Variants in FREM1 observed in about 807,000 individuals in gnomAD.
FREM1 encodes the protein FRAS1-related extracellular matrix protein 1.
FREM1 carries 220 observed loss-of-function variants against 210.1 expected under a neutral mutation model. The observed-to-expected ratio is 1.05, with a 90% CI of 0.94 to 1.17. The LOEUF (loss-of-function observed/expected upper bound fraction) is 1.17. Ranked by LOEUF, FREM1 falls within the 50% of genes most tolerant of loss-of-function variation. FREM1 has a pLI of 0.00. For missense variants in FREM1, 3,454 were observed against 2,675.5 expected, an observed-to-expected ratio of 1.29 and a Z score of -6.42; for synonymous variants, 1,189 against 980.2, an observed-to-expected ratio of 1.21 and a Z score of -3.98.
At position 14,910,026 on chromosome 9, in the gene FREM1, A is replaced by G; in HGVS notation, c.-380T>C. 1 of 152,306 alleles carries G rather than the reference A, an allele frequency of 6.6e-6. No individual in the cohort carries two copies. The highest frequency in any genetic ancestry group is 1.5e-5 in the Non-Finnish European group (1 of 68,034). The allele number at this position is 152,306 out of a possible 1,614,324, so 9.4% of individuals were successfully genotyped here. A position where few individuals can be genotyped will look rare whatever the true frequency, so the allele number is the denominator to read the frequency against. ...TTAAAGGGCTTTGAGAGGAAGGGGG[A>G]GGAAAAAGAACCCCGGGAAGGAAGA... is the stretch of plus-strand genomic sequence containing the variant. On this transcript the variant is annotated 5_prime_UTR_variant, in exon 1 of 37. Transcript: ENST00000380880.
intron 24 of FREM1, 78 bp downstream of exon 24, chr9:14,784,292 G>A (rs1342851273): frequency 7.5e-7 from 1 of 1,338,734 alleles, no homozygotes; most frequent in Non-Finnish European, 1.0e-6. Context: ...GGTTACTATA[G>A]TGAAGCACAT....
At chr9:14,748,042 G>A (rs1016728488) in intron 31 of FREM1, among the ~76,000 whole-genome samples, 1 of 152,080 alleles carries the variant, frequency 6.6e-6, no homozygotes. Flanking sequence ...AGTATGCAAT[G>A]GTTAGAATGC....
At chr9:14,875,676 G>A (rs536284178) in intron 1 of FREM1, among the ~76,000 whole-genome samples, 19 of 152,232 alleles carry the variant, frequency 1.2e-4, no homozygotes, top group Admixed American at 5.2e-4. Context: ...CTCTCAACTC[G>A]TCAAAGTCAT....
intron 6 of FREM1, among the ~76,000 whole-genome samples, chr9:14,849,949 G>T (rs1237174007): frequency 6.6e-6 from 1 of 152,148 alleles, no homozygotes; most frequent in African/African-American, 2.4e-5. Context: ...GATGAAAAGG[G>T]GGAAATAAAA....
At position 14,804,973 on chromosome 9, in the gene FREM1, C is replaced by T. The variant is rs746469370; in HGVS notation, c.3454G>A (p.Val1152Ile). The T allele has an allele frequency of 1.1e-4, 174 of 1,612,244 alleles. No homozygotes were observed. The highest frequency in any genetic ancestry group is 1.6e-4 in the Middle Eastern group (1 of 6,082). The change falls in exon 19 of 37, where the codon GTA becomes ATA. Residue 1152 changes from valine to isoleucine, a missense_variant. Transcript: ENST00000380880. ...NPTNDEAPDFVVQNITVCEGQ... is the reference protein window; with the variant it reads ...NPTNDEAPDFIVQNITVCEGQ... ...TTTCTTACAGTAATATTCTGCACTA[C>T]AAAGTCAGGAGCTTCATCATTTGTG...
In FREM1 at chr9:14,737,226, T is replaced by C. The variant is rs961784668; in HGVS notation, c.*170A>G. Reference sequence around the variant, plus strand: ...TGTATCTTATCTTGTAAAAAATATTTATTTATCAATCTTTCTGGCACTATT... The same window carrying C: ...TGTATCTTATCTTGTAAAAAATATTCATTTATCAATCTTTCTGGCACTATT... On this transcript the variant is annotated 3_prime_UTR_variant, in exon 37 of 37. Transcript: ENST00000380880. 9 of 531,334 alleles carry C rather than the reference T, an allele frequency of 1.7e-5. No homozygotes were observed. Among genetic ancestry groups the C allele is most frequent in the African/African-American group, 1.5e-4 (8 of 52,134 alleles). The allele number at this position is 531,334 out of a possible 1,614,324, so 32.9% of individuals were successfully genotyped here.
At chr9:14,770,524 C>G in intron 26 of FREM1, 81 bp downstream of exon 26, 2 of 1,031,884 alleles carry the variant, frequency 1.9e-6, no homozygotes, top group Non-Finnish European at 3.0e-6. Context: ...AATGGGCCTG[C>G]ACTTAATTAA....
chr9:14,848,876 G>A (rs192060243), intron 6 of FREM1, 103 bp from the exon 7 acceptor site: 14 of 574,940 alleles, frequency 2.4e-5, no homozygotes, highest in East Asian at 1.2e-4. Context: ...AGTTTTCTGC[G>A]GGGATTCACA....
At position 14,805,072 on chromosome 9, in the gene FREM1, C is replaced by T. The variant is rs753814072; in HGVS notation, c.3355G>A (p.Asp1119Asn). The T allele has an allele frequency of 8.1e-6, 13 of 1,612,862 alleles. No individual in the cohort carries two copies. The highest frequency in any genetic ancestry group is 4.4e-5 in the South Asian group (4 of 90,980). ...TCTGTGACGTACACCGTGAACTGGTCGGCAGTTGGTTCTATCCTCAGATGC... is the reference window on the plus strand; with the variant it reads ...TCTGTGACGTACACCGTGAACTGGTTGGCAGTTGGTTCTATCCTCAGATGC... The part of the protein sequence containing the change: ...SRHLRIEPTA[D>N]QFTVYVTDGK... Residue 1119 changes from aspartate to asparagine, a missense_variant, in exon 19 of 37, where the codon GAC (aspartate) becomes AAC (asparagine). Transcript: ENST00000380880.
chr9:14,809,047 A>G (rs1398628781), intron 16 of FREM1, among the ~76,000 whole-genome samples: 2 of 152,188 alleles, frequency 1.3e-5, no homozygotes, highest in African/African-American at 4.8e-5. Flanking sequence ...ACATTTCGTG[A>G]GAGGAACCCA....
At chr9:14,774,063 A>C in intron 25 of FREM1, 3 of 516,890 alleles carry the variant, frequency 5.8e-6, no homozygotes, top group South Asian at 4.2e-5. Flanking sequence ...AGTGCTTCTT[A>C]CTGTGTTCAC....
intron 22 of FREM1, among the ~76,000 whole-genome samples, chr9:14,790,363 C>CA (rs1163230003): frequency 6.6e-6 from 1 of 152,150 alleles, no homozygotes; most frequent in Non-Finnish European, 1.5e-5. Flanking sequence ...GTTCTGCCCT[C>CA]ACGCTCACTG....
chr9:14,860,604 C>CATAT (rs1438337232), intron 3 of FREM1, among the ~76,000 whole-genome samples: 7 of 86,180 alleles, frequency 8.1e-5, no homozygotes, highest in Admixed American at 1.2e-4. Context: ...CATATATACA[C>CATAT]ATATATACAC....
At chr9:14,835,809 A>G (rs1024974484) in intron 10 of FREM1, among the ~76,000 whole-genome samples, 3 of 152,254 alleles carry the variant, frequency 2.0e-5, no homozygotes, top group African/African-American at 4.8e-5. Context: ...TTTACTGATA[A>G]TTACTTTTTA....
intron 13 of FREM1, among the ~76,000 whole-genome samples, chr9:14,821,286 T>C (rs1402501963): frequency 6.6e-6 from 1 of 151,794 alleles, no homozygotes; most frequent in Non-Finnish European, 1.5e-5. Context: ...CTGTAAAAAG[T>C]AAAAATAAAA....
chr9:14,851,162 A>G, intron 6 of FREM1, 122 bp downstream of exon 6: 2 of 740,394 alleles, frequency 2.7e-6, no homozygotes, highest in Non-Finnish European at 4.3e-6. Context: ...ATCCTGATTT[A>G]CAGTGATTGA....
In FREM1 at chr9:14,792,814, C is replaced by T. The variant is rs1131691724; in HGVS notation, c.3910G>A (p.Glu1304Lys). 8 of 1,605,390 alleles carry T rather than the reference C, an allele frequency of 5.0e-6. No homozygotes were observed. The highest frequency in any genetic ancestry group is 6.8e-6 in the Non-Finnish European group (8 of 1,174,900). ...ISSAILSAID[E>K]DSPREKIYYV... ...TAAATCTTCTCCCTGGGTGAGTCTT[C>T]ATCTATGGCTGAAAGAATAGCACTG... Residue 1304 changes from glutamate (E) to lysine (K), a missense_variant, in exon 22 of 37, where the codon GAA (glutamate) becomes AAA (lysine). Coordinates refer to ENST00000380880, the MANE Select transcript of FREM1 (RefSeq NM_001379081.2).
At chr9:14,834,406 T>A (rs913567756) in intron 10 of FREM1, among the ~76,000 whole-genome samples, 1 of 152,208 alleles carries the variant, frequency 6.6e-6, no homozygotes, top group Non-Finnish European at 1.5e-5. Flanking sequence ...TGTCCTTTAG[T>A]AAAAGGGTTA....
At chr9:14,902,484 G>A (rs1275545408) in intron 1 of FREM1, among the ~76,000 whole-genome samples, 1 of 152,178 alleles carries the variant, frequency 6.6e-6, no homozygotes, top group African/African-American at 2.4e-5. Context: ...AACTTACAAA[G>A]CCACAGATCA....
Sources: gnomAD v4.1 joint callset for allele counts (sites outside exome capture counted in the v4.1 genomes callset) on GRCh38, gnomAD v4.1.1 for gene constraint, MANE v1.5 for transcripts, NCBI Gene and HGNC (gene_info 2026-07-23, HGNC 2026-07-21) for gene names.